The following TEN1 variants were observed in gnomAD, a reference collection of about 807,000 sequenced individuals.
TEN1 encodes the protein CST complex subunit TEN1.
TEN1 carries 6 observed loss-of-function variants against 9.3 expected under a neutral mutation model. The observed-to-expected ratio is 0.65, with a 90% CI of 0.35 to 1.27. TEN1 has a LOEUF of 1.27. TEN1 is among the 50% of genes most tolerant of loss of function. The pLI, the probability that TEN1 is intolerant of heterozygous loss-of-function variation, is 0.03. For missense variants in TEN1, 149 were observed against 158.2 expected, an observed-to-expected ratio of 0.94 and a Z score of 0.31; for synonymous variants, 65 against 65.6, an observed-to-expected ratio of 0.99 and a Z score of 0.04.
At chr17:75,991,328 T>G (rs760977807) in intron 2 of TEN1, 138 bp from the exon 3 acceptor site, 2 of 857,696 alleles carry the variant, frequency 2.3e-6, no homozygotes, top group Non-Finnish European at 1.8e-6. Flanking sequence ...TTTTTCTGGT[T>G]TGTTGCTGCA....
chr17:75,988,997 T>C (rs1170191383), intron 2 of TEN1, among the ~76,000 whole-genome samples: 2 of 152,142 alleles, frequency 1.3e-5, no homozygotes, highest in East Asian at 3.9e-4. Flanking sequence ...GGTCTCGAAC[T>C]CCTGACCTTG....
intron 2 of TEN1, among the ~76,000 whole-genome samples, chr17:75,988,104 G>A (rs2066163268): frequency 6.6e-6 from 1 of 151,294 alleles, no homozygotes; most frequent in Non-Finnish European, 1.5e-5. Flanking sequence ...GCCAGGTGTG[G>A]TGGCAGGCGC....
chr17:75,984,633 G>C (rs1400803312), intron 1 of TEN1: 2 of 152,302 alleles, frequency 1.3e-5, no homozygotes, highest in East Asian at 3.9e-4. Flanking sequence ...GCCCGCCTCA[G>C]CCTCCTCAAG....
At chr17:75,991,707 G>A (rs957591180) in intron 3 of TEN1, 84 bp downstream of exon 3, 12 of 1,323,198 alleles carry the variant, frequency 9.1e-6, no homozygotes, top group East Asian at 5.1e-5. Flanking sequence ...AAATGGGCTC[G>A]TGACCCAACA....
chr17:75,991,686 C>T (rs866382418), intron 3 of TEN1, 63 bp downstream of exon 3: 2 of 1,512,390 alleles, frequency 1.3e-6, no homozygotes, highest in Middle Eastern at 3.6e-4. Flanking sequence ...GTCTTCGGGG[C>T]AGTCAGTGAG....
intron 2 of TEN1, among the ~76,000 whole-genome samples, chr17:75,988,940 T>G (rs2066168808): frequency 6.6e-6 from 1 of 151,096 alleles, no homozygotes; most frequent in Admixed American, 6.6e-5. Flanking sequence ...CCGGCTAATT[T>G]TTTTTATTTT....
intron 3 of TEN1, among the ~76,000 whole-genome samples, chr17:75,993,815 C>A (rs1425818194): frequency 2.0e-5 from 3 of 151,646 alleles, no homozygotes; most frequent in Non-Finnish European, 4.4e-5. Flanking sequence ...GCTAACATGG[C>A]GAAACCCCGT....
intron 2 of TEN1, 35 bp from the exon 3 acceptor site, chr17:75,991,431 T>C: frequency 6.5e-7 from 1 of 1,549,820 alleles, no homozygotes; most frequent in Non-Finnish European, 8.7e-7. Flanking sequence ...ATTCTACGTA[T>C]GGATGGAAAT....
chr17:75,982,203 A>C lies in TEN1; in HGVS notation c.-7+2692A>C, dbSNP rs182029201. 3.9e-5 allele frequency among the ~76,000 whole-genome samples: 6 copies of C among 152,346 alleles called. 1 individual carries two copies. Among genetic ancestry groups the C allele is most frequent in the Admixed American group, 2.6e-4 (4 of 15,302 alleles). ...AGAAGGAAGGAATGCCTGTTCCAAG[A>C]GGCCAAGAAGAATCTAGACAGACAG... On this transcript the variant is annotated intron_variant, in intron 1 of 3. Coordinates refer to ENST00000397640, the MANE Select transcript of TEN1 (RefSeq NM_001113324.3).
At chr17:75,980,392 A>G (rs1393163189) in intron 1 of TEN1, among the ~76,000 whole-genome samples, 4 of 152,074 alleles carry the variant, frequency 2.6e-5, no homozygotes, top group Non-Finnish European at 5.9e-5. Flanking sequence ...ATTGTAGACA[A>G]GGGAGATTCA....
chr17:76,000,117 C>T lies in TEN1; in HGVS notation c.251-24C>T, dbSNP rs1217531737. The T allele has an allele frequency of 3.9e-6, 6 of 1,548,144 alleles. No homozygotes were observed. Among genetic ancestry groups the T allele is most frequent in the Non-Finnish European group, 4.4e-6 (5 of 1,144,716 alleles). On this transcript the variant is annotated intron_variant, in intron 3 of 3. Transcript: ENST00000397640. The surrounding 1 kb of genome is among the most constrained non-coding windows in gnomAD (Gnocchi z 5.9). ...GTTGACACGCCGCTCAGTCGCCGTT[C>T]GTGCCCTGGTGTTTGTCTTGCAGAC...
At chr17:75,979,610 C>T in intron 1 of TEN1, 99 bp downstream of exon 1, 1 of 225,304 alleles carries the variant, frequency 4.4e-6, no homozygotes, top group East Asian at 1.2e-4. Flanking sequence ...GTCACGCTTC[C>T]GGGTCCGTGC....
chr17:75,990,043 A>T (rs2066175864), intron 2 of TEN1, among the ~76,000 whole-genome samples: 1 of 150,880 alleles, frequency 6.6e-6, no homozygotes, highest in Non-Finnish European at 1.5e-5. Flanking sequence ...CACCATGCCC[A>T]ACCTAGATTT....
intron 1 of TEN1, chr17:75,984,680 T>A (rs2066141361): frequency 6.6e-6 from 1 of 152,182 alleles, no homozygotes; most frequent in Admixed American, 6.6e-5. Flanking sequence ...GCACCCAACC[T>A]TGTTCTGATT....
chr17:75,993,451 C>T (rs185303311), intron 3 of TEN1, among the ~76,000 whole-genome samples: 1 of 152,130 alleles, frequency 6.6e-6, no homozygotes, highest in African/African-American at 2.4e-5. Context: ...CAGGAGAAAT[C>T]CGTAAATTCA....
intron 1 of TEN1, 64 bp downstream of exon 1, chr17:75,979,575 G>GC (rs1442903983): frequency 8.0e-6 from 2 of 250,354 alleles, no homozygotes; most frequent in Non-Finnish European, 1.6e-5. Context: ...GCCTGCACTT[G>GC]CCCCCCTCTT....
chr17:75,984,013 C>G (rs1366076323), intron 1 of TEN1, among the ~76,000 whole-genome samples: 1 of 152,210 alleles, frequency 6.6e-6, no homozygotes, highest in African/African-American at 2.4e-5. Flanking sequence ...GTTCGGGCTT[C>G]TCTGTGCTCC....
At position 76,000,081 on chromosome 17, in the gene TEN1, T is replaced by C; in HGVS notation, c.251-60T>C. On this transcript the variant is annotated intron_variant, in intron 3 of 3. Coordinates refer to ENST00000397640, the MANE Select transcript of TEN1 (RefSeq NM_001113324.3). This position sits in a 1 kb window ranked among gnomAD's most constrained non-coding sequence, Gnocchi z 5.9. Reference sequence around the variant, plus strand: ...TGGAGGGAACAGCTGGAATGCACCTTGGAGGACGTTGTTGACACGCCGCTC... The same window carrying C: ...TGGAGGGAACAGCTGGAATGCACCTCGGAGGACGTTGTTGACACGCCGCTC... 6.5e-7 allele frequency: 1 copy of C among 1,531,972 alleles called. No individual in the cohort carries two copies. Among genetic ancestry groups the C allele is most frequent in the Non-Finnish European group, 8.8e-7 (1 of 1,134,256 alleles). The allele number at this position is 1,531,972 out of a possible 1,614,324, so 94.9% of individuals were successfully genotyped here. A position where few individuals can be genotyped will look rare whatever the true frequency, so the allele number is the denominator to read the frequency against.
At chr17:75,986,034 C>G (rs976094014) in intron 1 of TEN1, 153 bp from the exon 2 acceptor site, 2 of 542,682 alleles carry the variant, frequency 3.7e-6, no homozygotes, top group African/African-American at 3.9e-5. Flanking sequence ...TGCTATCCCT[C>G]CCCCCAAAAA....
Sources: allele counts gnomAD v4.1 joint callset (sites outside exome capture counted in the v4.1 genomes callset), GRCh38; gene constraint gnomAD v4.1.1; non-coding constraint Gnocchi (gnomAD v3.1); transcripts MANE v1.5; gene names NCBI Gene and HGNC (gene_info 2026-07-23, HGNC 2026-07-21).